MYOM2: variants seen among roughly 807,000 people sequenced by gnomAD.
The protein encoded by MYOM2 is myomesin-2.
Under a neutral mutation model 187.6 loss-of-function variants are expected in MYOM2, and 254 were observed. The observed-to-expected ratio is 1.35, with a 90% CI of 1.22 to 1.50. The LOEUF (loss-of-function observed/expected upper bound fraction) is 1.50. Ranked by LOEUF, MYOM2 falls within the 40% of genes most tolerant of loss-of-function variation. The pLI, the probability that MYOM2 is intolerant of heterozygous loss-of-function variation, is 0.00. For synonymous variants in MYOM2, 981 were observed against 753.8 expected, an observed-to-expected ratio of 1.30 and a Z score of -4.94; for missense variants, 2,796 against 1,924.0, an observed-to-expected ratio of 1.45 and a Z score of -8.48.
chr8:2,092,676 T>C (rs936053693), intron 16 of MYOM2, among the ~76,000 whole-genome samples, 156 bp downstream of exon 16: 2 of 152,196 alleles, frequency 1.3e-5, no homozygotes, highest in African/African-American at 4.8e-5. Flanking sequence ...ATTTTAAAGT[T>C]TGACCACTTG....
intron 6 of MYOM2, among the ~76,000 whole-genome samples, chr8:2,061,509 G>A (rs766679062): frequency 3.9e-5 from 6 of 152,108 alleles, no homozygotes; most frequent in Admixed American, 6.5e-5. Context: ...TGGGGCGGTG[G>A]CTTCAGCCAG....
At position 2,057,492 on chromosome 8, in the gene MYOM2, AG is replaced by A; in HGVS notation, c.402+9del. 6.2e-7 allele frequency: 1 copy of A among 1,613,932 alleles called. No individual in the cohort carries two copies. The highest frequency in any genetic ancestry group is 8.5e-7 in the Non-Finnish European group (1 of 1,179,904). Reference sequence around the variant, plus strand: ...AATACGCCATTCAGCAGATGGTAGGAGGGTCTCAGGGTGGCTGGGTGTCTGG... The same window carrying A: ...AATACGCCATTCAGCAGATGGTAGGAGGTCTCAGGGTGGCTGGGTGTCTGG... On this transcript the variant is annotated splice_region_variant and intron_variant, in intron 4 of 36. Coordinates refer to ENST00000262113, the MANE Select transcript of MYOM2 (RefSeq NM_003970.4).
intron 15 of MYOM2, among the ~76,000 whole-genome samples, chr8:2,090,815 C>T (rs1249680445): frequency 6.6e-6 from 1 of 152,278 alleles, no homozygotes; most frequent in African/African-American, 2.4e-5. Context: ...TTTTTTATGG[C>T]TGCATAGTAT....
rs2294066 is a variant in MYOM2 at position 2,098,870 on chromosome 8, C to T, written c.2327C>T (p.Thr776Met). 245,276 of 1,611,812 alleles carry T rather than the reference C, an allele frequency of 0.15. 19,380 individuals are homozygous for T. Among genetic ancestry groups the T allele is most frequent in the East Asian group, 0.24 (10,667 of 44,826 alleles). ...KPTILTVDGLTEGSLYEFKIA... is the reference protein window; with the variant it reads ...KPTILTVDGLMEGSLYEFKIA... ...AAATCTGAATAGGTGGACGGCTTGA[C>T]GGAAGGCTCACTCTACGAGTTCAAA... The change falls in exon 19 of 37, where the codon ACG (threonine) becomes ATG (methionine). Residue 776 changes from threonine (T) to methionine (M), a missense_variant. Coordinates refer to ENST00000262113, the MANE Select transcript of MYOM2 (RefSeq NM_003970.4).
chr8:2,077,237 G>A (rs1481861008), intron 11 of MYOM2, among the ~76,000 whole-genome samples: 1 of 152,054 alleles, frequency 6.6e-6, no homozygotes, highest in East Asian at 1.9e-4. Context: ...TTGAACCAGG[G>A]AGGCGGTGGT....
intron 23 of MYOM2, among the ~76,000 whole-genome samples, chr8:2,107,214 C>G (rs765521024): frequency 9.9e-5 from 15 of 152,180 alleles, no homozygotes; most frequent in African/African-American, 3.6e-4. Flanking sequence ...ATTTGTGTGG[C>G]CCGTCATCTA....
At chr8:2,071,936 C>T (rs2129334272) in intron 8 of MYOM2, among the ~76,000 whole-genome samples, 1 of 152,294 alleles carries the variant, frequency 6.6e-6, no homozygotes, top group African/African-American at 2.4e-5. Flanking sequence ...GATCTCATCC[C>T]ACCCTCATCA....
intron 28 of MYOM2, chr8:2,119,560 G>C (rs532208463): frequency 2.0e-5 from 3 of 152,922 alleles, no homozygotes; most frequent in Non-Finnish European, 4.4e-5. Context: ...TGGCAAGGCA[G>C]GGTCTCTACG....
At chr8:2,081,370 AGGTTTGGTTCTGGCCTGCGG>A (rs1474352144) in intron 13 of MYOM2, among the ~76,000 whole-genome samples, 2 of 129,602 alleles carry the variant, frequency 1.5e-5, no homozygotes, top group Non-Finnish European at 3.3e-5. Flanking sequence ...ATGTAGAATG[AGGTTTGGTTCTGGCCTGCGG>A]GAGGAACAGG....
chr8:2,063,907 A>C (rs1347641208), intron 6 of MYOM2, among the ~76,000 whole-genome samples: 2 of 152,252 alleles, frequency 1.3e-5, no homozygotes, highest in East Asian at 3.9e-4. Flanking sequence ...GGAACCTGTC[A>C]GAACAGGAAA....
At chr8:2,080,337 G>A (rs772693180) in intron 13 of MYOM2, among the ~76,000 whole-genome samples, 3 of 152,166 alleles carry the variant, frequency 2.0e-5, no homozygotes, top group Admixed American at 6.5e-5. Flanking sequence ...ACTCAAAAGC[G>A]TTTTCTGGAT....
At position 2,141,196 on chromosome 8, in the gene MYOM2, G is replaced by T. The variant is rs1037922723; in HGVS notation, c.4001+19G>T. The T allele has an allele frequency of 7.5e-6, 12 of 1,610,518 alleles. No homozygotes were observed. Among genetic ancestry groups the T allele is most frequent in the Non-Finnish European group, 9.3e-6 (11 of 1,177,454 alleles). On this transcript the variant is annotated intron_variant, in intron 34 of 36. Coordinates refer to ENST00000262113, the MANE Select transcript of MYOM2 (RefSeq NM_003970.4). ...AATTCAAGTAAGATTTGTGTATTTAGTTACTATGATATCCTGTGGGCAGTT... is the reference window on the plus strand; with the variant it reads ...AATTCAAGTAAGATTTGTGTATTTATTTACTATGATATCCTGTGGGCAGTT...
At chr8:2,128,463 A>G (rs1797733158) in intron 31 of MYOM2, among the ~76,000 whole-genome samples, 2 of 152,226 alleles carry the variant, frequency 1.3e-5, no homozygotes, top group South Asian at 2.1e-4. Flanking sequence ...TGAATATCTG[A>G]TAACAATCTC....
chr8:2,134,498 T>C (rs1797997085), intron 32 of MYOM2, among the ~76,000 whole-genome samples: 1 of 147,278 alleles, frequency 6.8e-6, no homozygotes, highest in Non-Finnish European at 1.5e-5. Context: ...GGCAAGTCTC[T>C]TGTCCCTCCG....
chr8:2,092,348 G>T lies in MYOM2; in HGVS notation c.1831G>T (p.Val611Phe). Residue 611 changes from valine to phenylalanine, a missense_variant and splice_region_variant, in exon 16 of 37, where the codon GTC (valine) becomes TTC (phenylalanine). Val to Phe is a conservative substitution (Grantham distance 50). Coordinates refer to ENST00000262113, the MANE Select transcript of MYOM2 (RefSeq NM_003970.4). ...SPIQAQDVTV[V>F]PSAPGRVLAS... is the part of the protein sequence containing the mutation. ...CTCCTTTTGTCTCCTACGAAAAGTT[G>T]TCCCTTCTGCTCCGGGTCGGGTTCT... is the stretch of plus-strand genomic sequence containing the variant. 1 of 1,613,760 alleles carries T rather than the reference G, an allele frequency of 6.2e-7. No individual in the cohort carries two copies. The highest frequency in any genetic ancestry group is 8.5e-7 in the Non-Finnish European group (1 of 1,179,858).
chr8:2,134,049 A>G (rs1238054327), intron 32 of MYOM2, among the ~76,000 whole-genome samples: 1 of 126,572 alleles, frequency 7.9e-6, no homozygotes, highest in East Asian at 2.7e-4. Flanking sequence ...AGGTTAGTGT[A>G]TTGTGTACCC....
chr8:2,079,055 A>G, intron 12 of MYOM2, 122 bp downstream of exon 12: 1 of 901,444 alleles, frequency 1.1e-6, no homozygotes, highest in East Asian at 2.5e-5. Context: ...TGTGCAGAGC[A>G]TAGCACAGGC....
At chr8:2,069,239 A>T in intron 6 of MYOM2, 39 bp from the exon 7 acceptor site, 4 of 1,587,298 alleles carry the variant, frequency 2.5e-6, no homozygotes, top group Non-Finnish European at 3.4e-6. Flanking sequence ...CTTTTACACA[A>T]CAGTCCCGCA....
At chr8:2,058,596 T>A (rs1193113891) in intron 5 of MYOM2, among the ~76,000 whole-genome samples, 1 of 152,200 alleles carries the variant, frequency 6.6e-6, no homozygotes, top group Admixed American at 6.5e-5. Context: ...TGTGCATTTA[T>A]ATGTGGGGTT....
Sources: gnomAD v4.1 joint callset for allele counts (sites outside exome capture counted in the v4.1 genomes callset) on GRCh38, gnomAD v4.1.1 for gene constraint, MANE v1.5 for transcripts, NCBI Gene and HGNC (gene_info 2026-07-23, HGNC 2026-07-21) for gene names.